Variants in ADAMTSL1 observed in about 807,000 individuals in gnomAD.
The protein encoded by ADAMTSL1 is ADAMTS like 1, also known as ADAMTS-like protein 1.
In ADAMTSL1, 126 loss-of-function variants were observed where a neutral mutation model predicts 201.8. The observed-to-expected ratio is 0.62, with a 90% CI of 0.54 to 0.72. The LOEUF (loss-of-function observed/expected upper bound fraction) is 0.72. Among genes scored for constraint, ADAMTSL1 ranks in the 30% least tolerant of loss-of-function variants. The pLI is 0.00. For synonymous variants in ADAMTSL1, 1,121 were observed against 903.4 expected (o/e 1.24, Z -4.32); for missense variants, 2,679 against 2,277.8 (o/e 1.18, Z -3.59).
chr9:17,914,360 G>T (rs1196710180), intron 1 of ADAMTSL1, among the ~76,000 whole-genome samples: 1 of 152,160 alleles, frequency 6.6e-6, no homozygotes, highest in Non-Finnish European at 1.5e-5. Context: ...TGCAAGGCTG[G>T]TTCAATATAC....
chr9:18,887,811 T>G lies in ADAMTSL1; in HGVS notation c.4250-20T>G. The G allele has an allele frequency of 6.2e-7, 1 of 1,606,278 alleles. No homozygotes were observed. Among genetic ancestry groups the G allele is most frequent in the Non-Finnish European group, 8.5e-7 (1 of 1,174,264 alleles). ...TCCTTATGGCTTTACTAAGGCTTAC[T>G]TCTTTTCCTCTCCTTCTAGGCTGCC... On this transcript the variant is annotated intron_variant, in intron 23 of 28. Coordinates refer to ENST00000380548, the MANE Select transcript of ADAMTSL1 (RefSeq NM_001040272.6).
chr9:18,756,586 A>G (rs1819786700), intron 16 of ADAMTSL1, among the ~76,000 whole-genome samples: 1 of 152,144 alleles, frequency 6.6e-6, no homozygotes, highest in African/African-American at 2.4e-5. Flanking sequence ...TTCCTCAGCA[A>G]TTCTTACTGG....
chr9:18,206,388 C>T (rs867850614), intron 2 of ADAMTSL1, among the ~76,000 whole-genome samples: 3 of 152,238 alleles, frequency 2.0e-5, no homozygotes, highest in African/African-American at 7.2e-5. Context: ...CCAGGTCCTG[C>T]GTTGCCCTCT....
intron 10 of ADAMTSL1, 136 bp from the exon 11 acceptor site, chr9:18,680,176 G>A (rs1830376245): frequency 1.2e-6 from 1 of 806,158 alleles, no homozygotes; most frequent in Middle Eastern, 3.7e-4. Context: ...GGCAATAGAT[G>A]GCTTTTGGTT....
Position 18,757,299 on chromosome 9 carries a change from A to C in ADAMTSL1, c.2217+3791A>C, listed in dbSNP as rs531366699. Among the ~76,000 whole-genome samples the C allele has an allele frequency of 3.3e-3, 500 of 151,022 alleles. 1 individual carries two copies. The highest frequency in any genetic ancestry group is 9.2e-3 in the African/African-American group (380 of 41,116). ...CAATTTATTAAATACACTCATCATC[A>C]TCCTCCTCCTCCTCCTCCTCCTCCT... is the stretch of plus-strand genomic sequence containing the variant. On this transcript the variant is annotated intron_variant, in intron 16 of 28. Transcript: ENST00000380548.
chr9:18,386,919 A>C (rs1011400211), intron 2 of ADAMTSL1, among the ~76,000 whole-genome samples: 1 of 152,108 alleles, frequency 6.6e-6, no homozygotes, highest in Non-Finnish European at 1.5e-5. Context: ...TTTCATAGTT[A>C]CCCAAATTTT....
At chr9:18,283,705 G>A (rs1832880878) in intron 2 of ADAMTSL1, among the ~76,000 whole-genome samples, 1 of 148,448 alleles carries the variant, frequency 6.7e-6, no homozygotes, top group African/African-American at 2.5e-5. Context: ...GAGGTCAGGA[G>A]ATCGAGACCA....
intron 9 of ADAMTSL1, among the ~76,000 whole-genome samples, chr9:18,667,610 A>G (rs1480084939): frequency 6.6e-6 from 1 of 152,194 alleles, no homozygotes; most frequent in Non-Finnish European, 1.5e-5. Flanking sequence ...GGCATAATAC[A>G]TTTAAAGAGC....
chr9:17,958,745 A>G (rs1478489746), intron 1 of ADAMTSL1, among the ~76,000 whole-genome samples: 1 of 152,178 alleles, frequency 6.6e-6, no homozygotes, highest in Non-Finnish European at 1.5e-5. Context: ...AGAAGGAAAA[A>G]AAGCCTTAAA....
intron 1 of ADAMTSL1, among the ~76,000 whole-genome samples, chr9:17,942,363 A>C (rs890026077): frequency 1.3e-5 from 2 of 152,210 alleles, no homozygotes; most frequent in African/African-American, 4.8e-5. Context: ...ATCATTTCTA[A>C]GTTATCTGTT....
rs1832268840 is a variant in ADAMTSL1, at chr9:18,706,947, C to T, written c.1775C>T (p.Pro592Leu). ...AGCGGGGAAATTCCTGAGTTCAACCCAGACGAGACAGATGGGCTCTTTGGT... is the reference window on the plus strand; with the variant it reads ...AGCGGGGAAATTCCTGAGTTCAACCTAGACGAGACAGATGGGCTCTTTGGT... ...PCSGEIPEFNPDETDGLFGGL... is the reference protein window; with the variant it reads ...PCSGEIPEFNLDETDGLFGGL... Residue 592 changes from proline to leucine, a missense_variant, in exon 14 of 29, where the codon CCA becomes CTA. By Grantham distance (98) the Pro-to-Leu change is moderately conservative. Coordinates refer to ENST00000380548, the MANE Select transcript of ADAMTSL1 (RefSeq NM_001040272.6). 1 of 1,613,882 alleles carries T rather than the reference C, an allele frequency of 6.2e-7. No homozygotes were observed. Among genetic ancestry groups the T allele is most frequent in the Admixed American group, 1.7e-5 (1 of 60,002 alleles).
At chr9:18,305,812 C>G (rs1426005640) in intron 2 of ADAMTSL1, among the ~76,000 whole-genome samples, 1 of 152,138 alleles carries the variant, frequency 6.6e-6, no homozygotes, top group Non-Finnish European at 1.5e-5. Flanking sequence ...TGCCTGTTGG[C>G]CTTGAAGAGA....
intron 1 of ADAMTSL1, among the ~76,000 whole-genome samples, chr9:18,163,619 G>A (rs1343606155): frequency 6.6e-6 from 1 of 151,956 alleles, no homozygotes; most frequent in Non-Finnish European, 1.5e-5. Context: ...ACTGGATTTT[G>A]AGATTGTACA....
At chr9:18,215,388 T>C (rs1279460592) in intron 2 of ADAMTSL1, among the ~76,000 whole-genome samples, 2 of 152,220 alleles carry the variant, frequency 1.3e-5, no homozygotes, top group African/African-American at 4.8e-5. Context: ...ATAACTTAAG[T>C]ATTTTATAAA....
chr9:18,697,359 G>T (rs1282635028), intron 13 of ADAMTSL1, among the ~76,000 whole-genome samples: 3 of 152,136 alleles, frequency 2.0e-5, no homozygotes. Flanking sequence ...ATCACCACCA[G>T]ACCTCTACAG....
intron 1 of ADAMTSL1, among the ~76,000 whole-genome samples, chr9:17,925,984 AG>A (rs1226662782): frequency 6.6e-6 from 1 of 152,184 alleles, no homozygotes; most frequent in Non-Finnish European, 1.5e-5. Context: ...CTTGGAGGAA[AG>A]GAAGGAAATG....
chr9:18,134,882 C>T (rs1272752104), intron 1 of ADAMTSL1, among the ~76,000 whole-genome samples: 1 of 152,106 alleles, frequency 6.6e-6, no homozygotes, highest in Non-Finnish European at 1.5e-5. Flanking sequence ...TTGGGGACTG[C>T]CAGGAAGGCT....
chr9:18,828,092 T>C (rs888429046), intron 22 of ADAMTSL1, among the ~76,000 whole-genome samples: 1 of 152,216 alleles, frequency 6.6e-6, no homozygotes, highest in African/African-American at 2.4e-5. Context: ...CTTTCATCCA[T>C]GTATTCATAT....
chr9:18,317,182 A>G (rs1033661723), intron 2 of ADAMTSL1, among the ~76,000 whole-genome samples: 2 of 152,144 alleles, frequency 1.3e-5, no homozygotes, highest in African/African-American at 4.8e-5. Flanking sequence ...TCTAGGAAAA[A>G]AGTTAAATCC....
Sources: gnomAD v4.1 joint callset for allele counts (sites outside exome capture counted in the v4.1 genomes callset) on GRCh38, gnomAD v4.1.1 for gene constraint, MANE v1.5 for transcripts, NCBI Gene and HGNC (gene_info 2026-07-23, HGNC 2026-07-21) for gene names.